TENM1: variants seen among roughly 807,000 people sequenced by gnomAD.
The protein encoded by TENM1 is teneurin transmembrane protein 1.
In TENM1, 35 loss-of-function variants were observed where a neutral mutation model predicts 174.8. The observed-to-expected ratio is 0.20, with a 90% CI of 0.15 to 0.27. The LOEUF (loss-of-function observed/expected upper bound fraction) is 0.27. Among genes scored for constraint, TENM1 ranks in the 10% least tolerant of loss-of-function variants. The pLI is 1.00. For synonymous variants in TENM1, 781 were observed against 798.7 expected, an observed-to-expected ratio of 0.98 and a Z score of 0.37; for missense variants, 1,633 against 2,130.1, an observed-to-expected ratio of 0.77 and a Z score of 4.59.
chrX:124,383,697 G>A, exon 30 of TENM1: 8 of 1,209,146 alleles, frequency 6.6e-6, no homozygotes, highest in Non-Finnish European at 9.0e-6. Flanking sequence ...AAGGAGTAGA[G>A]GTTGAATGGT....
intron 11 of TENM1, among the ~76,000 whole-genome samples, chrX:124,638,378 T>A (rs993798743): frequency 9.0e-6 from 1 of 110,797 alleles, no homozygotes; most frequent in Non-Finnish European, 1.9e-5. Context: ...AACTGGAGAG[T>A]AGTACATTAC....
chrX:125,019,821 T>C, the TENM1 span, among the ~76,000 whole-genome samples: 1 of 111,020 alleles, frequency 9.0e-6, no homozygotes, highest in Non-Finnish European at 1.9e-5. Context: ...TGTGAAAATA[T>C]CTCTTAACTT....
chrX:125,085,622 G>T, the TENM1 span, among the ~76,000 whole-genome samples: 1 of 110,923 alleles, frequency 9.0e-6, no homozygotes, highest in African/African-American at 3.3e-5. Context: ...CTTTTAACTT[G>T]TATTTTTCAA....
At chrX:124,754,272 C>T (rs1390787079) in intron 3 of TENM1, among the ~76,000 whole-genome samples, 10 of 111,372 alleles carry the variant, frequency 9.0e-5, no homozygotes, top group East Asian at 2.8e-4. Flanking sequence ...AGTTTATTTG[C>T]GTAGAGGTGT....
chrX:124,796,065 T>A (rs1024740286), intron 3 of TENM1, among the ~76,000 whole-genome samples: 1 of 111,491 alleles, frequency 9.0e-6, no homozygotes, highest in Non-Finnish European at 1.9e-5. Flanking sequence ...CAAACTGACT[T>A]TATTAGCTTT....
chrX:124,937,711 T>C (rs1452496161), intron 1 of TENM1, among the ~76,000 whole-genome samples: 1 of 112,048 alleles, frequency 8.9e-6, no homozygotes, highest in Non-Finnish European at 1.9e-5. Flanking sequence ...ACGATGTTTG[T>C]TTATGCCTTC....
intron 1 of TENM1, among the ~76,000 whole-genome samples, chrX:124,901,843 A>G (rs2057669416): frequency 9.0e-6 from 1 of 111,708 alleles, no homozygotes; most frequent in East Asian, 2.8e-4. Context: ...TATGCTCCAA[A>G]TAAGTAATTG....
the TENM1 span, among the ~76,000 whole-genome samples, chrX:124,972,700 A>G: frequency 8.9e-6 from 1 of 112,263 alleles, no homozygotes. Context: ...AAAGAGAAGT[A>G]AATCACCACT....
the TENM1 span, among the ~76,000 whole-genome samples, chrX:125,056,161 T>C: frequency 9.0e-6 from 1 of 110,954 alleles, no homozygotes; most frequent in East Asian, 2.8e-4. Context: ...AAGATTATTA[T>C]TGTTCTCTTC....
At chrX:124,396,880 T>C (rs1182869182) in intron 27 of TENM1, among the ~76,000 whole-genome samples, 2 of 112,094 alleles carry the variant, frequency 1.8e-5, no homozygotes, top group Non-Finnish European at 3.8e-5. Context: ...AGCTCCAAGT[T>C]AAAAAGGGTA....
At chrX:125,107,756 TA>T in the TENM1 span, among the ~76,000 whole-genome samples, 2 of 111,788 alleles carry the variant, frequency 1.8e-5, no homozygotes, top group Non-Finnish European at 3.8e-5. Flanking sequence ...CAGAGAGGTT[TA>T]AAAAAAACTA....
chrX:125,074,802 A>G, the TENM1 span, among the ~76,000 whole-genome samples: 9 of 110,927 alleles, frequency 8.1e-5, no homozygotes, highest in South Asian at 3.4e-3. Flanking sequence ...CTATTTTCCT[A>G]TTATTTCTTC....
At chrX:125,153,102 C>CT in the TENM1 span, among the ~76,000 whole-genome samples, 57 of 112,105 alleles carry the variant, frequency 5.1e-4, no homozygotes, top group African/African-American at 1.8e-3. Context: ...CAAGTGTTCT[C>CT]TTTCAATGTA....
the TENM1 span, among the ~76,000 whole-genome samples, chrX:125,053,440 C>T: frequency 1.4e-4 from 16 of 112,091 alleles, no homozygotes; most frequent in Middle Eastern, 4.6e-3. Context: ...TTTTCTCATT[C>T]GTAAAAAGAA....
At chrX:124,751,548 A>T (rs2054068260) in intron 3 of TENM1, among the ~76,000 whole-genome samples, 1 of 109,714 alleles carries the variant, frequency 9.1e-6, no homozygotes, top group Non-Finnish European at 1.9e-5. Context: ...TGTGCAGGTT[A>T]GTTACATATG....
intron 14 of TENM1, among the ~76,000 whole-genome samples, chrX:124,557,179 C>T (rs948260382): frequency 3.6e-5 from 4 of 111,444 alleles, no homozygotes; most frequent in Non-Finnish European, 7.5e-5. Flanking sequence ...TCTCATGTGG[C>T]TACTGAGCAC....
intron 8 of TENM1, among the ~76,000 whole-genome samples, chrX:124,647,730 G>GGTGTGT (rs113751818): frequency 0.013 from 1,299 of 103,865 alleles, 18 homozygotes; most frequent in African/African-American, 0.035. Flanking sequence ...TTTTTTTTGT[G>GGTGTGT]GTGTGTGTGT....
At chrX:125,046,207 T>C in the TENM1 span, among the ~76,000 whole-genome samples, 1 of 111,892 alleles carries the variant, frequency 8.9e-6, no homozygotes, top group South Asian at 3.7e-4. Flanking sequence ...TATTAAAAGG[T>C]GTTATTTTTA....
exon 27 of TENM1, chrX:124,405,184 G>C (rs765706706): frequency 1.7e-6 from 2 of 1,211,739 alleles, no homozygotes; most frequent in Admixed American, 2.2e-5. Context: ...GGGGCTCTGA[G>C]CTGAGGCCGA....
Sources: allele counts gnomAD v4.1 joint callset (sites outside exome capture counted in the v4.1 genomes callset), GRCh38; gene constraint gnomAD v4.1.1; transcripts MANE v1.5; gene names NCBI Gene and HGNC (gene_info 2026-07-23, HGNC 2026-07-21).